The following NAV3 variants were observed in gnomAD, a reference collection of about 807,000 sequenced individuals.
NAV3 encodes pore membrane and/or filament interacting like protein 1.
Under a neutral mutation model 244.7 loss-of-function variants are expected in NAV3, and 87 were observed. That is an observed-to-expected ratio of 0.36 (90% CI 0.30 to 0.42). NAV3 has a LOEUF of 0.42. NAV3 is among the 20% of genes least tolerant of loss of function. The pLI, the probability that NAV3 is intolerant of heterozygous loss-of-function variation, is 1.00. For missense variants in NAV3, 2,663 were observed against 2,893.3 expected, an observed-to-expected ratio of 0.92 and a Z score of 1.83; for synonymous variants, 1,126 against 1,042.2, an observed-to-expected ratio of 1.08 and a Z score of -1.55.
intron 2 of NAV3, among the ~76,000 whole-genome samples, chr12:77,628,525 T>A (rs1384876537): frequency 2.6e-5 from 4 of 152,168 alleles, no homozygotes; most frequent in East Asian, 3.8e-4. Flanking sequence ...CAATAGTAAT[T>A]TTTATAAACT....
At chr12:78,108,137 A>G (rs1035983035) in intron 12 of NAV3, among the ~76,000 whole-genome samples, 1 of 152,194 alleles carries the variant, frequency 6.6e-6, no homozygotes, top group East Asian at 1.9e-4. Flanking sequence ...ATGGAAAGCA[A>G]TAGTGAGCAG....
intron 2 of NAV3, among the ~76,000 whole-genome samples, chr12:77,681,648 A>G (rs973563044): frequency 1.4e-5 from 2 of 146,414 alleles, no homozygotes; most frequent in Non-Finnish European, 3.0e-5. Context: ...GTGTTCTGTG[A>G]TGGCTGATTT....
At chr12:77,830,771 C>A (rs1372245080), upstream of NAV3, 5 of 152,178 alleles carry the variant, frequency 3.3e-5, no homozygotes, top group African/African-American at 1.2e-4. Context: ...GAGATTGTTT[C>A]CGGGCTAAAA....
At chr12:77,846,621 C>T (rs1157122754) in intron 1 of NAV3, among the ~76,000 whole-genome samples, 3 of 151,920 alleles carry the variant, frequency 2.0e-5, no homozygotes, top group Non-Finnish European at 2.9e-5. Context: ...ATTATTAGTT[C>T]TAATTTTATA....
intron 12 of NAV3, among the ~76,000 whole-genome samples, chr12:78,095,082 C>T (rs1478500400): frequency 2.2e-5 from 3 of 134,472 alleles, no homozygotes; most frequent in African/African-American, 7.8e-5. Flanking sequence ...CACACACACA[C>T]ACACACATAT....
chr12:78,071,217 G>A (rs954198046), intron 12 of NAV3, among the ~76,000 whole-genome samples: 2 of 152,164 alleles, frequency 1.3e-5, no homozygotes, highest in African/African-American at 2.4e-5. Flanking sequence ...AGCACCTGCT[G>A]TTTCCTGACT....
At chr12:77,869,029 G>A (rs1474363071) in intron 1 of NAV3, among the ~76,000 whole-genome samples, 1 of 149,102 alleles carries the variant, frequency 6.7e-6, no homozygotes, top group Non-Finnish European at 1.5e-5. Context: ...CCGAGATCGA[G>A]GTAAAAAACA....
intron 23 of NAV3, among the ~76,000 whole-genome samples, chr12:78,160,378 A>AGTGTGTGTGTGT (rs10628612): frequency 0.066 from 8,802 of 133,238 alleles, 271 homozygotes; most frequent in Middle Eastern, 0.088. Flanking sequence ...AATTCTATGG[A>AGTGTGTGTGTGT]GTGTGTGTGT....
chr12:77,666,744 G>A (rs1873733714), intron 2 of NAV3, among the ~76,000 whole-genome samples: 1 of 152,128 alleles, frequency 6.6e-6, no homozygotes, highest in Admixed American at 6.5e-5. Context: ...CATCAGATAG[G>A]AGGAGAAAAT....
At chr12:78,013,623 T>A (rs182352884) in intron 8 of NAV3, among the ~76,000 whole-genome samples, 1 of 152,204 alleles carries the variant, frequency 6.6e-6, no homozygotes, top group Admixed American at 6.5e-5. Context: ...ACTTTATGTA[T>A]GTATATGTGT....
At chr12:77,812,882 A>G (rs1353882070) in intron 2 of NAV3, among the ~76,000 whole-genome samples, 1 of 152,114 alleles carries the variant, frequency 6.6e-6, no homozygotes, top group African/African-American at 2.4e-5. Context: ...GCTGGAGTAC[A>G]GTGGCATGAT....
chr12:77,578,880 G>C (rs1350989230), intron 2 of NAV3, among the ~76,000 whole-genome samples: 1 of 149,870 alleles, frequency 6.7e-6, no homozygotes, highest in Admixed American at 6.7e-5. Flanking sequence ...CTGTTTCCAC[G>C]TCCAACCTTT....
In NAV3 at chr12:77,733,914, G is replaced by A. The variant is rs114894977; in HGVS notation, c.72+161648G>A. On this transcript the variant is annotated intron_variant, in intron 2 of 8. Transcript: ENST00000550042. ...TTTTCTAAATAAATGAGAGGTGAGG[G>A]AGTAAACTCAATTGGTGGAGAAACT... Among the ~76,000 whole-genome samples, 280 of 149,184 alleles carry A rather than the reference G, an allele frequency of 1.9e-3. 1 individual carries two copies. Among genetic ancestry groups the A allele is most frequent in the African/African-American group, 6.6e-3 (267 of 40,422 alleles).
At chr12:77,705,688 C>A (rs1243615593) in intron 2 of NAV3, among the ~76,000 whole-genome samples, 2 of 151,252 alleles carry the variant, frequency 1.3e-5, no homozygotes. Context: ...CCCCGGGGGT[C>A]AAAGATGAAT....
Position 77,949,306 on chromosome 12 carries a change from G to A in NAV3, c.414+8173G>A, listed in dbSNP as rs574594441. ...CTTATGCTTTTCATTTAGCCATCAC[G>A]GCAAACCTATAATGGAACTGCGTCT... On this transcript the variant is annotated intron_variant, in intron 3 of 39. Transcript: ENST00000397909. Among the ~76,000 whole-genome samples the A allele has an allele frequency of 9.9e-5, 15 of 152,052 alleles. No individual in the cohort carries two copies. In the South Asian group the frequency reaches 1.2e-3, roughly 13 times the overall value.
intron 2 of NAV3, among the ~76,000 whole-genome samples, chr12:77,822,338 C>T (rs1470879066): frequency 5.3e-5 from 8 of 152,170 alleles, no homozygotes; most frequent in Non-Finnish European, 1.2e-4. Context: ...TCATCACCTG[C>T]TTTTATGTTT....
intron 32 of NAV3, 130 bp from the exon 33 acceptor site, chr12:78,188,479 T>C: frequency 8.7e-7 from 1 of 1,151,356 alleles, no homozygotes; most frequent in Non-Finnish European, 1.2e-6. Flanking sequence ...TGCTATTTGA[T>C]ATTAACAGTT....
rs1263608256 is a variant in NAV3, at chr12:78,137,361, A to G, written c.4626A>G (p.Glu1542=). The part of the protein sequence containing the change: ...SHSGSFRDSM[E]EVHGSSLSLV... Reference sequence around the variant, plus strand: ...CGGGCTCATTCAGAGACAGCATGGAAGAAGGTAAGCGTTGAGGGGGATTAA... The same window carrying G: ...CGGGCTCATTCAGAGACAGCATGGAGGAAGGTAAGCGTTGAGGGGGATTAA... Residue 1542 remains glutamate (E), a synonymous_variant, in exon 19 of 40, where the codon GAA becomes GAG. Coordinates refer to ENST00000397909, the MANE Select transcript of NAV3 (RefSeq NM_001024383.2). 1.2e-6 allele frequency: 2 copies of G among 1,609,950 alleles called. No individual in the cohort carries two copies. The highest frequency in any genetic ancestry group is 1.7e-6 in the Non-Finnish European group (2 of 1,178,792).
At chr12:77,875,684 T>C (rs1294487486) in intron 1 of NAV3, among the ~76,000 whole-genome samples, 2 of 152,124 alleles carry the variant, frequency 1.3e-5, no homozygotes, top group African/African-American at 4.8e-5. Flanking sequence ...ATATGATTTA[T>C]ATATTTAATT....
Sources: allele counts gnomAD v4.1 joint callset (sites outside exome capture counted in the v4.1 genomes callset), GRCh38; gene constraint gnomAD v4.1.1; transcripts MANE v1.5; gene names NCBI Gene and HGNC (gene_info 2026-07-23, HGNC 2026-07-21).